Variants in NRCAM observed in about 807,000 individuals in gnomAD.
NRCAM encodes the protein NgCAM-related cell adhesion molecule.
Under a neutral mutation model 156.5 loss-of-function variants are expected in NRCAM, and 83 were observed. That is an observed-to-expected ratio of 0.53 (90% CI 0.44 to 0.64). The LOEUF is 0.64. Among genes scored for constraint, NRCAM ranks in the 30% least tolerant of loss-of-function variants. The pLI is 0.00. For synonymous variants in NRCAM, 538 were observed against 563.9 expected (o/e 0.95, Z 0.65); for missense variants, 1,417 against 1,597.3 (o/e 0.89, Z 1.92).
At chr7:108,271,076 TTAAAAA>T (rs2097328585) in intron 3 of NRCAM, among the ~76,000 whole-genome samples, 1 of 151,862 alleles carries the variant, frequency 6.6e-6, no homozygotes. Flanking sequence ...CAAAGAAAAA[TTAAAAA>T]TAAATAAAAA....
At chr7:108,303,863 A>G (rs541191301) in intron 3 of NRCAM, among the ~76,000 whole-genome samples, 1 of 152,302 alleles carries the variant, frequency 6.6e-6, no homozygotes, top group East Asian at 1.9e-4. Flanking sequence ...CTTTACATGT[A>G]TATGTACACA....
At chr7:108,341,367 G>A (rs190918375) in intron 2 of NRCAM, among the ~76,000 whole-genome samples, 191 of 152,222 alleles carry the variant, frequency 1.3e-3, no homozygotes, top group Middle Eastern at 0.01. Context: ...CTCCTGTCCC[G>A]GACAACTGTC....
chr7:108,391,766 C>A (rs1449753319), intron 2 of NRCAM, among the ~76,000 whole-genome samples: 1 of 152,156 alleles, frequency 6.6e-6, no homozygotes, highest in Non-Finnish European at 1.5e-5. Flanking sequence ...GTAAGGCAGG[C>A]CTGGTGGTGA....
At chr7:108,337,195 G>A (rs1223202569) in intron 2 of NRCAM, among the ~76,000 whole-genome samples, 1 of 151,766 alleles carries the variant, frequency 6.6e-6, no homozygotes, top group Non-Finnish European at 1.5e-5. Flanking sequence ...CCTGGGAGGC[G>A]GAGGTTGCAG....
intron 3 of NRCAM, among the ~76,000 whole-genome samples, chr7:108,249,217 C>G (rs1263144517): frequency 1.3e-5 from 2 of 152,154 alleles, no homozygotes; most frequent in African/African-American, 4.8e-5. Flanking sequence ...TATCCAGGCT[C>G]TCTGTAATCA....
intron 3 of NRCAM, among the ~76,000 whole-genome samples, chr7:108,310,085 C>T (rs2098781114): frequency 6.6e-6 from 1 of 152,108 alleles, no homozygotes; most frequent in Admixed American, 6.6e-5. Context: ...GAACAAATTT[C>T]AAGTCATCCA....
intron 32 of NRCAM, among the ~76,000 whole-genome samples, chr7:108,154,320 A>C (rs1221098983): frequency 1.3e-5 from 2 of 152,164 alleles, no homozygotes; most frequent in Non-Finnish European, 2.9e-5. Flanking sequence ...AACTAGAATA[A>C]GTTTTAAAGT....
At chr7:108,191,960 G>T in intron 17 of NRCAM, 107 bp from the exon 18 acceptor site, 1 of 1,313,920 alleles carries the variant, frequency 7.6e-7, no homozygotes, top group Non-Finnish European at 1.0e-6. Flanking sequence ...GAGAAAGATG[G>T]TAAACACTTT....
At chr7:108,212,311 C>G (rs1588461705) in intron 11 of NRCAM, among the ~76,000 whole-genome samples, 2 of 152,192 alleles carry the variant, frequency 1.3e-5, no homozygotes, top group African/African-American at 4.8e-5. Context: ...AGAAAACCAA[C>G]TCTGGTAATA....
intron 2 of NRCAM, among the ~76,000 whole-genome samples, chr7:108,335,824 T>C (rs1461401970): frequency 1.3e-5 from 2 of 152,204 alleles, no homozygotes; most frequent in African/African-American, 4.8e-5. Context: ...CTATTAACTA[T>C]CTACTGTTTC....
intron 1 of NRCAM, among the ~76,000 whole-genome samples, chr7:108,450,588 AAAAT>A (rs1446209619): frequency 1.3e-5 from 2 of 150,878 alleles, no homozygotes; most frequent in Non-Finnish European, 3.0e-5. Flanking sequence ...GTTCTAGATT[AAAAT>A]AATAATGCCA....
rs533102762 is a variant in NRCAM at position 108,452,418 on chromosome 7, A to G, written c.-332+3825T>C. ...ATCTCATTAATGCTGTGGGGGGGGG[A>G]AGAAACTTCAGCCTTTGATCCCAAT... On this transcript the variant is annotated intron_variant, in intron 1 of 32. Transcript: ENST00000379028. 2.0e-3 allele frequency among the ~76,000 whole-genome samples: 298 copies of G among 151,016 alleles called. 1 individual carries two copies. The highest frequency in any genetic ancestry group is 6.9e-3 in the African/African-American group (282 of 41,012).
chr7:108,159,973 G>T (rs1206741151), intron 31 of NRCAM, among the ~76,000 whole-genome samples: 1 of 152,044 alleles, frequency 6.6e-6, no homozygotes, highest in Non-Finnish European at 1.5e-5. Context: ...ACCTTATAGG[G>T]AAAGCAATGT....
chr7:108,452,725 T>G (rs149540005), intron 1 of NRCAM, among the ~76,000 whole-genome samples: 8 of 152,340 alleles, frequency 5.3e-5, no homozygotes, highest in African/African-American at 1.9e-4. Context: ...TGCACAAAAC[T>G]TCCTAAAGAA....
rs778231898 is a variant in NRCAM at position 108,160,314 on chromosome 7, GGAT to G, written c.3598+44_3598+46del. 7 of 1,545,176 alleles carry G rather than the reference GGAT, an allele frequency of 4.5e-6. No homozygotes were observed. The African/African-American group carries it at 9.6e-5, about 21-fold the overall frequency. On this transcript the variant is annotated intron_variant, in intron 31 of 32. Coordinates refer to ENST00000379028, the MANE Select transcript of NRCAM (RefSeq NM_001037132.4). ...TCCCCCATGATCTTTTTAGTTTAATGGATTATTATGTAGCATTATAAAGCAATT... is the reference window on the plus strand; with the variant it reads ...TCCCCCATGATCTTTTTAGTTTAATGTATTATGTAGCATTATAAAGCAATT...
In NRCAM at chr7:108,191,266, CTGGAGT is replaced by C; in HGVS notation, c.1915_1920del (p.Thr639_Pro640del). 1 of 1,605,012 alleles carries C rather than the reference CTGGAGT, an allele frequency of 6.2e-7. No individual in the cohort carries two copies. Among genetic ancestry groups the C allele is most frequent in the Non-Finnish European group, 8.5e-7 (1 of 1,175,294 alleles). ...CATATTAGTTTACCGTAAACGGGAG[CTGGAGT>C]TGGAGTAGGAGCTAGAAAGGACATT... On this transcript the variant is annotated inframe_deletion, in exon 19 of 33. Transcript: ENST00000379028.
chr7:108,174,843 TG>T (rs559954399), intron 28 of NRCAM, among the ~76,000 whole-genome samples: 57 of 152,368 alleles, frequency 3.7e-4, no homozygotes, highest in African/African-American at 1.4e-3. Flanking sequence ...ATTGCTACGC[TG>T]TAATTCCAAA....
chr7:108,452,286 T>C (rs950687014), intron 1 of NRCAM, among the ~76,000 whole-genome samples: 3 of 152,210 alleles, frequency 2.0e-5, no homozygotes, highest in South Asian at 4.1e-4. Context: ...TGTGAGGTGA[T>C]AGATGTGTTT....
chr7:108,184,675 T>C, intron 20 of NRCAM, 61 bp from the exon 21 acceptor site: 1 of 1,473,792 alleles, frequency 6.8e-7, no homozygotes. Context: ...CAGGGGTAGC[T>C]GCCAGCAATA....
Sources: gnomAD v4.1 joint callset for allele counts (sites outside exome capture counted in the v4.1 genomes callset) on GRCh38, gnomAD v4.1.1 for gene constraint, MANE v1.5 for transcripts, NCBI Gene and HGNC (gene_info 2026-07-23, HGNC 2026-07-21) for gene names.